ARHGAP18: variants seen among roughly 807,000 people sequenced by gnomAD.
ARHGAP18 encodes the protein Rho GTPase activating protein 18.
A neutral mutation model predicts 86.2 loss-of-function variants in ARHGAP18; 67 were observed. That is an observed-to-expected ratio of 0.78 (90% CI 0.64 to 0.95). The LOEUF is 0.95. Among genes scored for constraint, ARHGAP18 ranks in the 40% least tolerant of loss-of-function variants. The probability of loss-of-function intolerance (pLI) is 0.00; values close to 1 mark genes in which losing one functional copy is unlikely to be tolerated. For synonymous variants in ARHGAP18, 283 were observed against 280.4 expected (o/e 1.01, Z -0.09); for missense variants, 691 against 780.4 (o/e 0.89, Z 1.37).
chr6:129,634,103 A>G lies in ARHGAP18; in HGVS notation c.555T>C (p.Ala185=). The change falls in exon 4 of 15, where the codon GCT becomes GCC. Residue 185 remains alanine (A), a splice_region_variant and synonymous_variant. Coordinates refer to ENST00000368149, the MANE Select transcript of ARHGAP18 (RefSeq NM_033515.3). ...FAQQRESKET[A]PGGTESQSLR... ...GTGACTGCGATTCAGTGCCACCTGG[A>G]GCCTAAACATAGAAAACAGGCCATT... The G allele has an allele frequency of 1.2e-6, 2 of 1,613,618 alleles. No individual in the cohort carries two copies. Among genetic ancestry groups the G allele is most frequent in the Non-Finnish European group, 8.5e-7 (1 of 1,179,788 alleles).
intron 1 of ARHGAP18, among the ~76,000 whole-genome samples, chr6:129,662,280 G>C (rs1396353148): frequency 4.6e-5 from 7 of 152,218 alleles, no homozygotes; most frequent in Non-Finnish European, 7.3e-5. Context: ...AGGACAGGCT[G>C]CTCTTTCAGC....
chr6:129,672,635 C>T (rs909531294), intron 1 of ARHGAP18, among the ~76,000 whole-genome samples: 1 of 152,192 alleles, frequency 6.6e-6, no homozygotes, highest in Non-Finnish European at 1.5e-5. Flanking sequence ...CAATGGCTGT[C>T]CCCAGTATGC....
At chr6:129,625,162 TATTA>T (rs1562696470) in intron 5 of ARHGAP18, among the ~76,000 whole-genome samples, 1 of 57,690 alleles carries the variant, frequency 1.7e-5, no homozygotes, top group Non-Finnish European at 3.1e-5. Flanking sequence ...TATAGATATA[TATTA>T]TATATGATAT....
intron 12 of ARHGAP18, among the ~76,000 whole-genome samples, chr6:129,596,586 G>A (rs1006845155): frequency 2.6e-5 from 4 of 152,128 alleles, no homozygotes; most frequent in African/African-American, 9.7e-5. Flanking sequence ...ATCTTTGTAT[G>A]TTTTGTCCAA....
chr6:129,628,083 C>T (rs1402764696), intron 5 of ARHGAP18, among the ~76,000 whole-genome samples: 1 of 152,066 alleles, frequency 6.6e-6, no homozygotes, highest in Admixed American at 6.6e-5. Context: ...ATTTTTTTAA[C>T]TTTTGCCTGT....
At chr6:129,680,322 G>A (rs1047889960) in intron 1 of ARHGAP18, among the ~76,000 whole-genome samples, 2 of 152,154 alleles carry the variant, frequency 1.3e-5, no homozygotes, top group Non-Finnish European at 1.5e-5. Context: ...CATATCTGAA[G>A]AGTTTTTCTG....
chr6:129,648,136 G>A (rs902574962), intron 1 of ARHGAP18, among the ~76,000 whole-genome samples: 6 of 151,836 alleles, frequency 4.0e-5, no homozygotes, highest in South Asian at 2.1e-4. Context: ...AAAAGGATGA[G>A]AATTCTTTTC....
intron 5 of ARHGAP18, 94 bp downstream of exon 5, chr6:129,629,259 A>ATGTG (rs1420760433): frequency 2.0e-6 from 2 of 1,018,794 alleles, no homozygotes; most frequent in Non-Finnish European, 1.4e-6. Context: ...ATATATATAT[A>ATGTG]TATGTGTGTG....
At chr6:129,639,269 C>A (rs1180378367) in intron 2 of ARHGAP18, among the ~76,000 whole-genome samples, 1 of 152,068 alleles carries the variant, frequency 6.6e-6, no homozygotes, top group East Asian at 1.9e-4. Flanking sequence ...ATTCAAAACA[C>A]TGAAAGCAGG....
chr6:129,673,740 T>A (rs2114530286), intron 1 of ARHGAP18, among the ~76,000 whole-genome samples: 1 of 152,180 alleles, frequency 6.6e-6, no homozygotes, highest in East Asian at 1.9e-4. Flanking sequence ...AAGACCACAG[T>A]CAAAAATCCA....
intron 7 of ARHGAP18, among the ~76,000 whole-genome samples, chr6:129,615,684 G>A (rs1367244237): frequency 1.3e-5 from 2 of 152,174 alleles, no homozygotes; most frequent in African/African-American, 4.8e-5. Flanking sequence ...TCAGAGGTTG[G>A]ACGGAAATTT....
rs994923418 is a variant in ARHGAP18 at position 129,580,222 on chromosome 6, G to C, written c.1839-91C>G. On this transcript the variant is annotated intron_variant, in intron 13 of 14. Transcript: ENST00000368149. Reference sequence around the variant, plus strand: ...GTGCTTGGGGAATTCTGGCTGGTATGGAAAATTCATAACTTAGACACACTG... The same window carrying C: ...GTGCTTGGGGAATTCTGGCTGGTATCGAAAATTCATAACTTAGACACACTG... The C allele has an allele frequency of 2.6e-6, 3 of 1,145,992 alleles. No homozygotes were observed. In the East Asian group the frequency reaches 7.2e-5, roughly 27 times the overall value. 71.0% of individuals were successfully genotyped at this position (1,145,992 alleles called of 1,614,324 possible).
At chr6:129,640,497 A>G (rs904039768) in intron 2 of ARHGAP18, among the ~76,000 whole-genome samples, 1 of 152,242 alleles carries the variant, frequency 6.6e-6, no homozygotes, top group Non-Finnish European at 1.5e-5. Flanking sequence ...AATAAGCTTG[A>G]CTTTATTGCT....
chr6:129,601,793 A>G (rs962808667), intron 10 of ARHGAP18, among the ~76,000 whole-genome samples: 1 of 151,186 alleles, frequency 6.6e-6, no homozygotes, highest in African/African-American at 2.4e-5. Context: ...TGCCTGGCTA[A>G]TTTTTTTGAT....
intron 5 of ARHGAP18, among the ~76,000 whole-genome samples, chr6:129,625,780 T>C (rs1789428475): frequency 3.3e-5 from 1 of 30,600 alleles, no homozygotes; most frequent in Non-Finnish European, 7.5e-5. Flanking sequence ...TATATTTATA[T>C]ATATAATATA....
intron 1 of ARHGAP18, among the ~76,000 whole-genome samples, chr6:129,669,248 T>G (rs964621777): frequency 6.6e-6 from 1 of 151,798 alleles, no homozygotes; most frequent in Non-Finnish European, 1.5e-5. Context: ...CACGGCTCAC[T>G]GCAAGCTCCG....
At chr6:129,636,284 G>A (rs1773332886) in intron 3 of ARHGAP18, among the ~76,000 whole-genome samples, 2 of 152,206 alleles carry the variant, frequency 1.3e-5, no homozygotes, top group South Asian at 4.1e-4. Flanking sequence ...GTCATGCAAA[G>A]AGAGTAGCAA....
intron 5 of ARHGAP18, among the ~76,000 whole-genome samples, chr6:129,622,601 G>A (rs963654142): frequency 1.3e-5 from 2 of 152,074 alleles, no homozygotes; most frequent in African/African-American, 4.8e-5. Context: ...GAAGTTTCCT[G>A]TCGTTTTTTG....
intron 4 of ARHGAP18, among the ~76,000 whole-genome samples, chr6:129,630,633 T>G (rs1022990355): frequency 2.6e-5 from 4 of 152,204 alleles, no homozygotes; most frequent in Non-Finnish European, 5.9e-5. Context: ...AAAATGAAAA[T>G]GCCTGTTTTA....
Sources: allele counts gnomAD v4.1 joint callset (sites outside exome capture counted in the v4.1 genomes callset), GRCh38; gene constraint gnomAD v4.1.1; transcripts MANE v1.5; gene names NCBI Gene and HGNC (gene_info 2026-07-23, HGNC 2026-07-21).